PHC3: variants seen among roughly 807,000 people sequenced by gnomAD.
The protein encoded by PHC3 is polyhomeotic homolog 3, also known as polyhomeotic-like protein 3.
In PHC3, 13 loss-of-function variants were observed where a neutral mutation model predicts 107.4. The observed-to-expected ratio is 0.12, with a 90% CI of 0.08 to 0.19. The LOEUF is 0.19. PHC3 is among the 10% of genes least tolerant of loss of function. PHC3 has a pLI of 1.00. For synonymous variants in PHC3, 456 were observed against 427.4 expected (o/e 1.07, Z -0.83); for missense variants, 992 against 1,210.9 (o/e 0.82, Z 2.68).
chr3:170,118,711 G>T (rs1440475432), intron 9 of PHC3, among the ~76,000 whole-genome samples: 1 of 151,988 alleles, frequency 6.6e-6, no homozygotes, highest in Non-Finnish European at 1.5e-5. Flanking sequence ...CACCATGCCT[G>T]GCTGCCTGGA....
At position 170,106,957 on chromosome 3, in the gene PHC3, A is replaced by C; in HGVS notation, c.2354-11T>G. ...TTTCTTCTAATGTCTCTAAAAAAGA[A>C]GGAAACAAAGGAAAAAAAGGTTCCA... is the stretch of plus-strand genomic sequence containing the variant. On this transcript the variant is annotated splice_polypyrimidine_tract_variant and intron_variant, in intron 11 of 14. Transcript: ENST00000495893. The C allele has an allele frequency of 6.4e-7, 1 of 1,564,940 alleles. No individual in the cohort carries two copies. The highest frequency in any genetic ancestry group is 8.6e-7 in the Non-Finnish European group (1 of 1,156,208).
In PHC3 at chr3:170,089,480, C is replaced by A. The variant is rs1348315796; in HGVS notation, c.*7750G>T. The A allele has an allele frequency of 6.6e-6, 1 of 152,190 alleles. No individual in the cohort carries two copies. Among genetic ancestry groups the A allele is most frequent in the African/African-American group, 2.4e-5 (1 of 41,448 alleles). 9.4% of individuals were successfully genotyped at this position (152,190 alleles called of 1,614,324 possible). On this transcript the variant is annotated 3_prime_UTR_variant, in exon 15 of 15. Coordinates refer to ENST00000495893, the MANE Select transcript of PHC3 (RefSeq NM_024947.4). ...CTTTCTAGAATATTACTGATTCTTA[C>A]ATATCTTTAAAAGTTGGATATTTGT... is the stretch of plus-strand genomic sequence containing the variant.
chr3:170,144,193 T>C (rs1724585066), intron 6 of PHC3, among the ~76,000 whole-genome samples: 1 of 150,410 alleles, frequency 6.6e-6, no homozygotes, highest in Admixed American at 6.6e-5. Flanking sequence ...GAAAAAAAAT[T>C]AGCCAGGCGT....
intron 2 of PHC3, among the ~76,000 whole-genome samples, chr3:170,175,091 T>C (rs1179154973): frequency 6.6e-6 from 1 of 152,204 alleles, no homozygotes; most frequent in Admixed American, 6.5e-5. Flanking sequence ...ATTGTTCTTA[T>C]TTATTATAAA....
rs1714299982 is a variant in PHC3 at position 170,093,301 on chromosome 3, G to T, written c.*3929C>A. 6.6e-6 allele frequency: 1 copy of T among 152,176 alleles called. No individual in the cohort carries two copies. The highest frequency in any genetic ancestry group is 2.4e-5 in the African/African-American group (1 of 41,434). 9.4% of individuals were successfully genotyped at this position (152,176 alleles called of 1,614,324 possible). A position where few individuals can be genotyped will look rare whatever the true frequency, so the allele number is the denominator to read the frequency against. ...AGAAAGAAGTTTTCATGGTTTTCTT[G>T]GAGCTAGAGGCCTTAGAGAGGTAGT... On this transcript the variant is annotated 3_prime_UTR_variant, in exon 15 of 15. Transcript: ENST00000495893.
chr3:170,092,250 T>A lies in PHC3; in HGVS notation c.*4980A>T, dbSNP rs1714180905. ...CCTGACCTCAGGTGATCTACCCACC[T>A]CAGCCTCCCAAAGTGCTGGGATTAC... On this transcript the variant is annotated 3_prime_UTR_variant, in exon 15 of 15. Coordinates refer to ENST00000495893, the MANE Select transcript of PHC3 (RefSeq NM_024947.4). 1 of 152,264 alleles carries A rather than the reference T, an allele frequency of 6.6e-6. No homozygotes were observed. The highest frequency in any genetic ancestry group is 1.5e-5 in the Non-Finnish European group (1 of 68,066). The allele number at this position is 152,264 out of a possible 1,614,324, so 9.4% of individuals were successfully genotyped here. A position where few individuals can be genotyped will look rare whatever the true frequency, so the allele number is the denominator to read the frequency against.
chr3:170,119,607 A>T (rs1266736002), intron 9 of PHC3, among the ~76,000 whole-genome samples: 1 of 152,198 alleles, frequency 6.6e-6, no homozygotes, highest in Non-Finnish European at 1.5e-5. Context: ...TCTAGATTTA[A>T]GAGAAGTATG....
chr3:170,117,138 A>C, intron 10 of PHC3, 88 bp downstream of exon 10: 10 of 1,483,840 alleles, frequency 6.7e-6, no homozygotes, highest in Non-Finnish European at 9.3e-6. Flanking sequence ...TAAAATTACA[A>C]GCTTTTTATT....
At chr3:170,171,272 C>T (rs1729538978) in intron 4 of PHC3, 101 bp downstream of exon 4, 6 of 832,654 alleles carry the variant, frequency 7.2e-6, no homozygotes, top group Non-Finnish European at 1.1e-5. Flanking sequence ...AAACAGCATG[C>T]AACAAATTAT....
chr3:170,119,467 T>C (rs1290182055), intron 9 of PHC3, among the ~76,000 whole-genome samples: 2 of 152,202 alleles, frequency 1.3e-5, no homozygotes, highest in African/African-American at 4.8e-5. Context: ...GTCCTAAATT[T>C]TGTTCAAAAT....
intron 14 of PHC3, chr3:170,102,230 G>A (rs1039267653): frequency 1.2e-5 from 12 of 985,258 alleles, no homozygotes; most frequent in South Asian, 4.7e-5. Context: ...TATCTTCACC[G>A]GCTGAGGTGT....
intron 7 of PHC3, among the ~76,000 whole-genome samples, chr3:170,135,453 AT>A (rs34583743): frequency 1.3e-3 from 195 of 148,170 alleles, no homozygotes; most frequent in Middle Eastern, 3.5e-3. Context: ...ACCCGCCCAG[AT>A]TTTTTTTTTT....
intron 8 of PHC3, among the ~76,000 whole-genome samples, chr3:170,125,412 G>A (rs775812752): frequency 6.6e-6 from 1 of 152,068 alleles, no homozygotes. Context: ...TGGTTTTATC[G>A]ACCAGTTCAA....
intron 9 of PHC3, among the ~76,000 whole-genome samples, chr3:170,118,397 C>T (rs774197995): frequency 2.0e-4 from 30 of 152,096 alleles, no homozygotes; most frequent in Non-Finnish European, 3.5e-4. Flanking sequence ...AGGTGTGTGC[C>T]ACCATGCCTG....
intron 10 of PHC3, among the ~76,000 whole-genome samples, chr3:170,115,395 T>C (rs1718716411): frequency 6.6e-6 from 1 of 152,062 alleles, no homozygotes; most frequent in South Asian, 2.1e-4. Flanking sequence ...CACAAACACA[T>C]ATACATTAAA....
At chr3:170,161,683 C>G (rs978543997) in intron 4 of PHC3, among the ~76,000 whole-genome samples, 2 of 152,170 alleles carry the variant, frequency 1.3e-5, no homozygotes, top group African/African-American at 2.4e-5. Context: ...ACTTAAACAA[C>G]AGAAATTTAT....
At chr3:170,120,367 C>G (rs543113769) in intron 9 of PHC3, among the ~76,000 whole-genome samples, 49 of 152,088 alleles carry the variant, frequency 3.2e-4, no homozygotes, top group Non-Finnish European at 6.3e-4. Flanking sequence ...GGGTGGATCA[C>G]CTGAGGTCAA....
chr3:170,110,026 A>G (rs929511544), intron 11 of PHC3, among the ~76,000 whole-genome samples: 18 of 152,114 alleles, frequency 1.2e-4, no homozygotes, highest in African/African-American at 4.3e-4. Context: ...CCCCTATGAA[A>G]TATATTATCT....
chr3:170,131,401 G>A (rs1463791644), intron 7 of PHC3, among the ~76,000 whole-genome samples: 1 of 151,998 alleles, frequency 6.6e-6, no homozygotes, highest in Non-Finnish European at 1.5e-5. Context: ...GGTATAGGTG[G>A]GTATTATTAT....
Sources: allele counts gnomAD v4.1 joint callset (sites outside exome capture counted in the v4.1 genomes callset), GRCh38; gene constraint gnomAD v4.1.1; transcripts MANE v1.5; gene names NCBI Gene and HGNC (gene_info 2026-07-23, HGNC 2026-07-21).